ZFAT: variants seen among roughly 807,000 people sequenced by gnomAD.
The protein encoded by ZFAT is zinc finger protein ZFAT.
Under a neutral mutation model 117.7 loss-of-function variants are expected in ZFAT, and 64 were observed. The observed-to-expected ratio is 0.54, with a 90% CI of 0.44 to 0.67. The LOEUF is 0.67. Ranked by LOEUF, ZFAT falls within the 30% of genes least tolerant of loss-of-function variation. The probability of loss-of-function intolerance (pLI) is 0.00; values close to 1 mark genes in which losing one functional copy is unlikely to be tolerated. For missense variants in ZFAT, 1,433 were observed against 1,584.5 expected (o/e 0.90, Z 1.62); for synonymous variants, 679 against 615.0 (o/e 1.10, Z -1.54).
At chr8:134,481,788 G>A (rs541299839) in intron 15 of ZFAT, among the ~76,000 whole-genome samples, 3 of 152,328 alleles carry the variant, frequency 2.0e-5, no homozygotes, top group South Asian at 4.1e-4. Flanking sequence ...GAAGGTAAAC[G>A]ATGTGTTAGT....
upstream of ZFAT, among the ~76,000 whole-genome samples, chr8:134,715,942 A>G (rs1227179512): frequency 2.0e-5 from 3 of 152,160 alleles, no homozygotes; most frequent in Non-Finnish European, 2.9e-5. Flanking sequence ...AGGTTTTGAT[A>G]AAGGATACAT....
In ZFAT at chr8:134,482,372, G is replaced by A. The variant is rs1461616449; in HGVS notation, c.3493-3651C>T. 5.3e-5 allele frequency among the ~76,000 whole-genome samples: 8 copies of A among 152,286 alleles called. No homozygotes were observed. In the East Asian group the frequency reaches 7.7e-4, roughly 15 times the overall value. ...GAGGCCTGAAACGAAGTTCGCAGGC[G>A]GATCTTGAAAAGCCTTGGTCATCAG... On this transcript the variant is annotated intron_variant, in intron 15 of 15. Transcript: ENST00000377838.
At chr8:134,488,873 G>C (rs1276441051) in intron 15 of ZFAT, among the ~76,000 whole-genome samples, 2 of 152,020 alleles carry the variant, frequency 1.3e-5, no homozygotes, top group Non-Finnish European at 2.9e-5. Context: ...ATGGGGAAAA[G>C]CACCGGGCAG....
chr8:134,764,655 T>C, the ZFAT span, among the ~76,000 whole-genome samples: 1 of 152,266 alleles, frequency 6.6e-6, no homozygotes, highest in African/African-American at 2.4e-5. Context: ...ATCCATCTGA[T>C]GTGCATCTTT....
the ZFAT span, among the ~76,000 whole-genome samples, chr8:134,801,119 G>C: frequency 7.9e-5 from 12 of 152,140 alleles, no homozygotes; most frequent in South Asian, 1.0e-3. Context: ...TTAGGTAAAA[G>C]ACAGTTAATG....
chr8:134,547,327 A>C (rs996498816), intron 11 of ZFAT, among the ~76,000 whole-genome samples: 4 of 152,178 alleles, frequency 2.6e-5, no homozygotes, highest in Admixed American at 2.6e-4. Context: ...TTTTGCTTTT[A>C]TACTGTATTT....
intron 15 of ZFAT, among the ~76,000 whole-genome samples, chr8:134,480,363 AC>A (rs529615157): frequency 4.7e-4 from 72 of 152,340 alleles, no homozygotes; most frequent in Middle Eastern, 6.8e-3. Flanking sequence ...CTTACCAGCT[AC>A]CAGTAGACTG....
At chr8:134,710,398 C>T (rs563872095) in intron 1 of ZFAT, among the ~76,000 whole-genome samples, 1 of 152,228 alleles carries the variant, frequency 6.6e-6, no homozygotes, top group Non-Finnish European at 1.5e-5. Context: ...CTGCAATAAA[C>T]CTCTGAAACC....
At chr8:134,514,469 A>T (rs1185757183) in intron 13 of ZFAT, among the ~76,000 whole-genome samples, 1 of 152,186 alleles carries the variant, frequency 6.6e-6, no homozygotes, top group Non-Finnish European at 1.5e-5. Context: ...CATCATCAAC[A>T]TCCGCAATAA....
the ZFAT span, among the ~76,000 whole-genome samples, chr8:134,728,703 T>C: frequency 6.6e-6 from 1 of 152,194 alleles, no homozygotes; most frequent in East Asian, 1.9e-4. Flanking sequence ...TTTTGATAAC[T>C]TATAGCAGCA....
chr8:134,703,521 T>C (rs1468303801), intron 1 of ZFAT, among the ~76,000 whole-genome samples: 1 of 152,162 alleles, frequency 6.6e-6, no homozygotes, highest in Non-Finnish European at 1.5e-5. Flanking sequence ...CAGCAGGCAC[T>C]TCAGAGATGT....
At chr8:134,488,540 G>A (rs1817817195) in intron 15 of ZFAT, among the ~76,000 whole-genome samples, 2 of 152,362 alleles carry the variant, frequency 1.3e-5, no homozygotes, top group South Asian at 4.1e-4. Context: ...GCTTTGGAGT[G>A]TCACATCTCT....
intron 1 of ZFAT, among the ~76,000 whole-genome samples, chr8:134,658,596 T>C (rs953690514): frequency 4.6e-5 from 7 of 152,238 alleles, no homozygotes; most frequent in Non-Finnish European, 7.3e-5. Flanking sequence ...TATGTTCATC[T>C]CATTATACTA....
the ZFAT span, among the ~76,000 whole-genome samples, chr8:134,827,405 T>C: frequency 1.3e-5 from 2 of 152,214 alleles, no homozygotes; most frequent in Non-Finnish European, 2.9e-5. Context: ...TCACAAAATC[T>C]AAACTTTTTA....
chr8:134,708,900 C>G (rs1209376159), intron 1 of ZFAT, among the ~76,000 whole-genome samples: 2 of 152,166 alleles, frequency 1.3e-5, no homozygotes, highest in Non-Finnish European at 2.9e-5. Context: ...TGCAGTGAGC[C>G]AAGATCACAC....
the ZFAT span, among the ~76,000 whole-genome samples, chr8:134,725,172 C>T: frequency 3.9e-5 from 6 of 152,200 alleles, no homozygotes; most frequent in African/African-American, 9.7e-5. Flanking sequence ...CTGTACCGCC[C>T]CATCCCACAT....
intron 14 of ZFAT, among the ~76,000 whole-genome samples, chr8:134,511,916 G>A (rs1213655737): frequency 2.0e-5 from 3 of 152,088 alleles, no homozygotes; most frequent in Admixed American, 1.3e-4. Context: ...CCCCCTGCAC[G>A]CCAGAGTCTC....
At position 134,637,540 on chromosome 8, in the gene ZFAT, C is replaced by G; in HGVS notation, c.369G>C (p.Arg123=). The stretch of plus-strand genomic sequence containing the variant: ...GCAGCTGGCGCGTGTTGGAGAACTT[C>G]CGACAGCACTTGCTACACTCCAAGC... ...PSSLECSKCC[R]KFSNTRQLRK... is the part of the protein sequence containing the mutation. The change falls in exon 3 of 16, where the codon CGG becomes CGC. Residue 123 remains arginine (R), a synonymous_variant. Transcript: ENST00000377838. 1 of 1,614,240 alleles carries G rather than the reference C, an allele frequency of 6.2e-7. No homozygotes were observed. Among genetic ancestry groups the G allele is most frequent in the African/African-American group, 1.3e-5 (1 of 75,066 alleles).
the ZFAT span, among the ~76,000 whole-genome samples, chr8:134,812,075 CA>C: frequency 6.6e-6 from 1 of 152,032 alleles, no homozygotes; most frequent in African/African-American, 2.4e-5. Context: ...ACCTGGGAGG[CA>C]GAGGTTGCAG....
Sources: gnomAD v4.1 joint callset for allele counts (sites outside exome capture counted in the v4.1 genomes callset) on GRCh38, gnomAD v4.1.1 for gene constraint, MANE v1.5 for transcripts, NCBI Gene and HGNC (gene_info 2026-07-23, HGNC 2026-07-21) for gene names.